Variants in CCT3 observed in about 807,000 individuals in gnomAD.
The protein encoded by CCT3 is T-complex protein 1 subunit gamma.
In CCT3, 10 loss-of-function variants were observed where a neutral mutation model predicts 65.3. That is an observed-to-expected ratio of 0.15 (90% CI 0.09 to 0.26). The LOEUF is 0.26. CCT3 is among the 10% of genes least tolerant of loss of function. The probability of loss-of-function intolerance (pLI) is 1.00; values close to 1 mark genes in which losing one functional copy is unlikely to be tolerated. For missense variants in CCT3, 626 were observed against 708.7 expected, an observed-to-expected ratio of 0.88 and a Z score of 1.33; for synonymous variants, 225 against 242.3, an observed-to-expected ratio of 0.93 and a Z score of 0.66.
chr1:156,335,408 T>A, intron 2 of CCT3: 1 of 183,626 alleles, frequency 5.4e-6, no homozygotes. Flanking sequence ...TCCATGACGG[T>A]GGCCTCTACA....
chr1:156,321,113 A>C, intron 6 of CCT3, 88 bp from the exon 7 acceptor site: 1 of 1,033,268 alleles, frequency 9.7e-7, no homozygotes, highest in Non-Finnish European at 1.4e-6. Flanking sequence ...GACTATAATA[A>C]TGGACCAAGA....
chr1:156,328,900 G>C (rs996888304), intron 5 of CCT3, among the ~76,000 whole-genome samples: 1 of 151,950 alleles, frequency 6.6e-6, no homozygotes, highest in African/African-American at 2.4e-5. Flanking sequence ...TCATTAGTAT[G>C]TGCTCCAGTG....
chr1:156,337,639 T>C (rs1252540100), intron 1 of CCT3: 1 of 167,780 alleles, frequency 6.0e-6, no homozygotes, highest in East Asian at 1.9e-4. Flanking sequence ...GGATATTACC[T>C]ATTTACCAGA....
chr1:156,315,722 G>T (rs10908501), intron 10 of CCT3, among the ~76,000 whole-genome samples: 35,394 of 151,984 alleles, frequency 0.23, 4,779 homozygotes, highest in Non-Finnish European at 0.29. Context: ...AGTTGTTCAA[G>T]GGTCAACTGT....
At chr1:156,319,516 T>C (rs1437218209) in intron 7 of CCT3, among the ~76,000 whole-genome samples, 1 of 152,126 alleles carries the variant, frequency 6.6e-6, no homozygotes, top group Non-Finnish European at 1.5e-5. Context: ...TTTTAGACCA[T>C]GACACTCAAC....
At chr1:156,334,653 G>A (rs1262401375) in intron 4 of CCT3, 60 bp downstream of exon 4, 1 of 1,501,002 alleles carries the variant, frequency 6.7e-7, no homozygotes. Flanking sequence ...ATCTTAACAG[G>A]TCCTTTATGT....
intron 6 of CCT3, among the ~76,000 whole-genome samples, chr1:156,321,943 T>C (rs919174619): frequency 2.0e-5 from 3 of 152,142 alleles, no homozygotes; most frequent in African/African-American, 7.2e-5. Context: ...GAAGAAGCAA[T>C]GACTCCAAAA....
chr1:156,309,809 C>A (rs1053341044), intron 13 of CCT3, among the ~76,000 whole-genome samples: 11 of 151,586 alleles, frequency 7.3e-5, no homozygotes, highest in Non-Finnish European at 1.3e-4. Context: ...TTGGTCAAGG[C>A]AGGTGGATCA....
intron 5 of CCT3, among the ~76,000 whole-genome samples, chr1:156,326,604 C>T (rs1352534722): frequency 7.4e-6 from 1 of 135,148 alleles, no homozygotes; most frequent in African/African-American, 2.8e-5. Context: ...GAGCCAAGAT[C>T]GTGCCATTGC....
At chr1:156,322,128 C>T (rs1271937812) in intron 6 of CCT3, among the ~76,000 whole-genome samples, 1 of 152,172 alleles carries the variant, frequency 6.6e-6, no homozygotes, top group Non-Finnish European at 1.5e-5. Context: ...ATAGTCCTAG[C>T]TACTTGGGAA....
chr1:156,323,734 G>C (rs1664674844), intron 6 of CCT3, among the ~76,000 whole-genome samples: 2 of 151,406 alleles, frequency 1.3e-5, no homozygotes, highest in South Asian at 4.2e-4. Flanking sequence ...CAAAGTGCTG[G>C]GATTACAGAC....
At chr1:156,328,991 C>T (rs1021014237) in intron 5 of CCT3, among the ~76,000 whole-genome samples, 2 of 152,086 alleles carry the variant, frequency 1.3e-5, no homozygotes, top group Admixed American at 6.6e-5. Flanking sequence ...AATACAGTCA[C>T]GTACCATTTA....
In CCT3 at chr1:156,323,035, G is replaced by A. The variant is rs529819023; in HGVS notation, c.422+1937C>T. Among the ~76,000 whole-genome samples the A allele has an allele frequency of 7.3e-5, 11 of 151,104 alleles. 1 individual carries two copies. In the East Asian group the frequency reaches 9.9e-4, roughly 14 times the overall value. On this transcript the variant is annotated intron_variant, in intron 6 of 13. Coordinates refer to ENST00000295688, the MANE Select transcript of CCT3 (RefSeq NM_005998.5). ...GAGCAGGCAGTATATGGCCAGGCGCGGTGGCTCACGCCTGTAATCCCAGCA... is the reference window on the plus strand; with the variant it reads ...GAGCAGGCAGTATATGGCCAGGCGCAGTGGCTCACGCCTGTAATCCCAGCA...
intron 6 of CCT3, among the ~76,000 whole-genome samples, chr1:156,324,377 A>G (rs1664708740): frequency 6.6e-6 from 1 of 152,008 alleles, no homozygotes; most frequent in South Asian, 2.1e-4. Flanking sequence ...TTTACTTTTT[A>G]AACAAAAATT....
chr1:156,317,732 G>A (rs1387238677), intron 8 of CCT3, among the ~76,000 whole-genome samples, 185 bp from the exon 9 acceptor site: 17 of 147,894 alleles, frequency 1.1e-4, no homozygotes, highest in African/African-American at 3.3e-4. Flanking sequence ...TTTTTGAGAC[G>A]GAATCTTGCT....
intron 8 of CCT3, among the ~76,000 whole-genome samples, chr1:156,317,811 C>T (rs1408435514): frequency 1.3e-5 from 2 of 151,696 alleles, no homozygotes; most frequent in East Asian, 3.9e-4. Flanking sequence ...TGGGTTCAAG[C>T]GATTCTCCTG....
intron 10 of CCT3, among the ~76,000 whole-genome samples, chr1:156,316,472 G>A (rs1664317439): frequency 6.6e-6 from 1 of 152,216 alleles, no homozygotes; most frequent in African/African-American, 2.4e-5. Flanking sequence ...GTGTATGCAT[G>A]TTAATACCCT....
At chr1:156,333,521 T>C (rs767210858) in intron 5 of CCT3, 26 bp downstream of exon 5, 1 of 1,558,298 alleles carries the variant, frequency 6.4e-7, no homozygotes, top group Admixed American at 1.7e-5. Context: ...TAATTTTTCC[T>C]TATCAACCTC....
At position 156,325,038 on chromosome 1, in the gene CCT3, G is replaced by A; in HGVS notation, c.356C>T (p.Pro119Leu). 1 of 1,613,600 alleles carries A rather than the reference G, an allele frequency of 6.2e-7. No homozygotes were observed. The highest frequency in any genetic ancestry group is 8.5e-7 in the Non-Finnish European group (1 of 1,179,912). The change falls in exon 6 of 14, where the codon CCA (proline) becomes CTA (leucine). Residue 119 changes from proline (P) to leucine (L), a missense_variant. By Grantham distance (98) the Pro-to-Leu change is moderately conservative. Coordinates refer to ENST00000295688, the MANE Select transcript of CCT3 (RefSeq NM_005998.5). ...GCGGTAAGCACTGATCACCACTGTT[G>A]GGTGCATCTGCTGCTCCAGGAAGTG... ...AEHFLEQQMHPTVVISAYRKA... is the reference protein window; with the variant it reads ...AEHFLEQQMHLTVVISAYRKA...
Sources: allele counts gnomAD v4.1 joint callset (sites outside exome capture counted in the v4.1 genomes callset), GRCh38; gene constraint gnomAD v4.1.1; transcripts MANE v1.5; gene names NCBI Gene and HGNC (gene_info 2026-07-23, HGNC 2026-07-21).